The following SCN9A variants were observed in gnomAD, a reference collection of about 807,000 sequenced individuals.
SCN9A encodes the protein sodium channel protein type 9 subunit alpha.
In SCN9A, 131 loss-of-function variants were observed where a neutral mutation model predicts 187.0. The ratio of observed to expected loss-of-function variants is 0.70; its 90% CI spans 0.61 to 0.81. The LOEUF is 0.81. Ranked by LOEUF, SCN9A falls within the 30% of genes least tolerant of loss-of-function variation. SCN9A has a pLI of 0.00. For synonymous variants in SCN9A, 809 were observed against 808.6 expected, an observed-to-expected ratio of 1.00 and a Z score of -0.01; for missense variants, 2,252 against 2,396.6, an observed-to-expected ratio of 0.94 and a Z score of 1.26.
intron 1 of SCN9A, among the ~76,000 whole-genome samples, chr2:166,338,420 G>C (rs1419330719): frequency 6.6e-6 from 1 of 151,868 alleles, no homozygotes; most frequent in African/African-American, 2.4e-5. Context: ...ACGCCCATGT[G>C]TACAAAAACA....
intron 24 of SCN9A, among the ~76,000 whole-genome samples, chr2:166,206,614 TAACA>T (rs1243343989): frequency 3.9e-5 from 6 of 152,204 alleles, no homozygotes; most frequent in African/African-American, 1.4e-4. Flanking sequence ...TATACCTATG[TAACA>T]AACCTGCATG....
chr2:166,285,172 T>A (rs1313983147), intron 11 of SCN9A, among the ~76,000 whole-genome samples: 1 of 152,180 alleles, frequency 6.6e-6, no homozygotes, highest in Non-Finnish European at 1.5e-5. Context: ...GTCATTCAAC[T>A]TTTTATATAT....
chr2:166,322,502 G>A (rs763457677), intron 1 of SCN9A, among the ~76,000 whole-genome samples: 25 of 152,092 alleles, frequency 1.6e-4, no homozygotes, highest in Non-Finnish European at 2.9e-4. Flanking sequence ...ATCATGCTCC[G>A]AAGAGTGGTT....
intron 1 of SCN9A, among the ~76,000 whole-genome samples, chr2:166,358,495 C>T (rs1207211036): frequency 6.6e-6 from 1 of 151,918 alleles, no homozygotes; most frequent in African/African-American, 2.4e-5. Context: ...GTAGTCTTGT[C>T]CACTTTTTTA....
At chr2:166,315,090 A>C (rs1699076065) in intron 1 of SCN9A, among the ~76,000 whole-genome samples, 1 of 152,210 alleles carries the variant, frequency 6.6e-6, no homozygotes, top group African/African-American at 2.4e-5. Context: ...CAATGAATCA[A>C]ATCAAAGCAG....
At chr2:166,237,562 A>AC (rs1695372854) in intron 20 of SCN9A, among the ~76,000 whole-genome samples, 1 of 152,118 alleles carries the variant, frequency 6.6e-6, no homozygotes, top group African/African-American at 2.4e-5. Flanking sequence ...TGAGATAGAT[A>AC]TTTTAAAATT....
rs558060550 is a variant in SCN9A at position 166,352,576 on chromosome 2, G to C, written c.-51+23121C>G. 1.6e-4 allele frequency among the ~76,000 whole-genome samples: 25 copies of C among 152,268 alleles called. 1 individual carries two copies. Among genetic ancestry groups the C allele is most frequent in the African/African-American group, 6.0e-4 (25 of 41,560 alleles). On this transcript the variant is annotated intron_variant, in intron 1 of 26. Coordinates refer to ENST00000642356, the MANE Select transcript of SCN9A (RefSeq NM_001365536.1). Reference sequence around the variant, plus strand: ...TCAATCATTAATTAAAGTACATCTTGCTTTTCGTATATGCACCTTCATTAG... The same window carrying C: ...TCAATCATTAATTAAAGTACATCTTCCTTTTCGTATATGCACCTTCATTAG...
chr2:166,244,266 GA>G (rs1218142603), intron 18 of SCN9A, among the ~76,000 whole-genome samples: 1 of 152,020 alleles, frequency 6.6e-6, no homozygotes, highest in African/African-American at 2.4e-5. Flanking sequence ...AACAGTTTTT[GA>G]GGTCACACAA....
At chr2:166,247,813 T>G (rs1695861829) in intron 18 of SCN9A, among the ~76,000 whole-genome samples, 1 of 152,164 alleles carries the variant, frequency 6.6e-6, no homozygotes, top group Non-Finnish European at 1.5e-5. Context: ...TTTGATAATC[T>G]AAAAGCAGCA....
At chr2:166,294,071 T>C (rs969244143) in intron 8 of SCN9A, among the ~76,000 whole-genome samples, 3 of 152,040 alleles carry the variant, frequency 2.0e-5, no homozygotes, top group African/African-American at 7.2e-5. Context: ...CAAAATGAAG[T>C]TGGTGTAAGA....
At chr2:166,304,946 A>G (rs1698706169) in intron 5 of SCN9A, among the ~76,000 whole-genome samples, 1 of 152,026 alleles carries the variant, frequency 6.6e-6, no homozygotes, top group South Asian at 2.1e-4. Flanking sequence ...AAAAAAGGAG[A>G]CCTATGAGAA....
At chr2:166,371,138 T>TA (rs1700551206) in intron 1 of SCN9A, among the ~76,000 whole-genome samples, 1 of 152,236 alleles carries the variant, frequency 6.6e-6, no homozygotes, top group African/African-American at 2.4e-5. Context: ...TATATCACTT[T>TA]AAAAAATCTA....
chr2:166,294,088 C>A (rs536193442), intron 8 of SCN9A, among the ~76,000 whole-genome samples: 18 of 152,278 alleles, frequency 1.2e-4, no homozygotes, highest in African/African-American at 4.1e-4. Flanking sequence ...AAGAGAGAAG[C>A]AGCAAGATGG....
intron 1 of SCN9A, among the ~76,000 whole-genome samples, chr2:166,359,895 C>T (rs1700236370): frequency 6.6e-6 from 1 of 150,984 alleles, no homozygotes; most frequent in Non-Finnish European, 1.5e-5. Flanking sequence ...TTATGTATAG[C>T]CTTTTAAAAT....
Position 166,331,316 on chromosome 2 carries a change from A to C in SCN9A, c.-50-19510T>G, listed in dbSNP as rs139433712. On this transcript the variant is annotated intron_variant, in intron 1 of 26. Transcript: ENST00000642356. ...TATGTTCATTACTGATAGTTGAGCA[A>C]ATTTCTCTGAGTTTTACAACTTGTT... Among the ~76,000 whole-genome samples the C allele has an allele frequency of 3.5e-4, 53 of 152,230 alleles. 1 individual carries two copies. Among genetic ancestry groups the C allele is most frequent in the African/African-American group, 1.2e-3 (50 of 41,542 alleles).
chr2:166,313,868 G>A (rs573360915), intron 1 of SCN9A, among the ~76,000 whole-genome samples: 142 of 152,204 alleles, frequency 9.3e-4, no homozygotes, highest in Non-Finnish European at 1.5e-3. Flanking sequence ...TGAGAAATGC[G>A]CAATTCTTCC....
chr2:166,346,740 T>C (rs1247073601), intron 1 of SCN9A, among the ~76,000 whole-genome samples: 1 of 152,146 alleles, frequency 6.6e-6, no homozygotes, highest in Non-Finnish European at 1.5e-5. Flanking sequence ...CCTATCATTG[T>C]TCTCTCTAAA....
At chr2:166,274,511 T>TA (rs1697143063) in intron 16 of SCN9A, among the ~76,000 whole-genome samples, 1 of 152,006 alleles carries the variant, frequency 6.6e-6, no homozygotes, top group Admixed American at 6.6e-5. Flanking sequence ...TAGAGAAATA[T>TA]AAAAAAAGAG....
rs1223830877 is a variant in SCN9A, at chr2:166,204,384, T to A, written c.4479A>T (p.Pro1493=). 4 of 1,609,716 alleles carry A rather than the reference T, an allele frequency of 2.5e-6. No individual in the cohort carries two copies. The highest frequency in any genetic ancestry group is 3.4e-6 in the Non-Finnish European group (4 of 1,177,954). The change falls in exon 25 of 27, where the codon CCA becomes CCT. Residue 1493 remains proline (P), a synonymous_variant. Transcript: ENST00000642356. ...NAMKKLGSKK[P]QKPIPRPGNK... Reference sequence around the variant, plus strand: ...CCCCTGGTCGAGGAATTGGCTTTTGTGGCTTCTTGGACCCCAGCTTTTTCA... The same window carrying A: ...CCCCTGGTCGAGGAATTGGCTTTTGAGGCTTCTTGGACCCCAGCTTTTTCA...
Sources: allele counts gnomAD v4.1 joint callset (sites outside exome capture counted in the v4.1 genomes callset), GRCh38; gene constraint gnomAD v4.1.1; transcripts MANE v1.5; gene names NCBI Gene and HGNC (gene_info 2026-07-23, HGNC 2026-07-21).